FBXW7: variants seen among roughly 807,000 people sequenced by gnomAD.
FBXW7 encodes the protein F-box/WD repeat-containing protein 7.
A neutral mutation model predicts 86.3 loss-of-function variants in FBXW7; 11 were observed. The ratio of observed to expected loss-of-function variants is 0.13; its 90% CI spans 0.08 to 0.21. The LOEUF is 0.21. Ranked by LOEUF, FBXW7 falls within the 10% of genes least tolerant of loss-of-function variation. FBXW7 has a pLI of 1.00. For synonymous variants in FBXW7, 313 were observed against 297.9 expected (o/e 1.05, Z -0.52); for missense variants, 488 against 847.4 (o/e 0.58, Z 5.27).
chr4:152,437,663 T>C (rs564311296), intron 2 of FBXW7, among the ~76,000 whole-genome samples: 2 of 152,286 alleles, frequency 1.3e-5, no homozygotes, highest in Non-Finnish European at 2.9e-5. Context: ...TAAAATGCTA[T>C]CAAACAGCAT....
chr4:152,486,341 T>A (rs1745338151), intron 2 of FBXW7, among the ~76,000 whole-genome samples: 1 of 152,190 alleles, frequency 6.6e-6, no homozygotes, highest in Non-Finnish European at 1.5e-5. Context: ...TCATATAAAC[T>A]TTTTAGTTTT....
chr4:152,520,439 CAAAAA>C (rs58890384), intron 2 of FBXW7, among the ~76,000 whole-genome samples: 2 of 60,518 alleles, frequency 3.3e-5, no homozygotes, highest in African/African-American at 5.9e-5. Flanking sequence ...GACTCCGTCT[CAAAAA>C]AAAAAAAAAA....
intron 6 of FBXW7, among the ~76,000 whole-genome samples, chr4:152,341,041 T>C (rs1730687683): frequency 6.6e-6 from 1 of 152,186 alleles, no homozygotes; most frequent in African/African-American, 2.4e-5. Context: ...CTACACTGGA[T>C]TGAGCTACCA....
intron 4 of FBXW7, among the ~76,000 whole-genome samples, chr4:152,392,482 ATT>A (rs1341750244): frequency 6.6e-6 from 1 of 152,044 alleles, no homozygotes; most frequent in Non-Finnish European, 1.5e-5. Context: ...CGGAAAAAGA[ATT>A]TCTGGGTCAG....
intron 2 of FBXW7, among the ~76,000 whole-genome samples, chr4:152,484,438 T>C (rs1745167837): frequency 6.6e-6 from 1 of 152,098 alleles, no homozygotes; most frequent in Admixed American, 6.6e-5. Context: ...GAAGCTCAGA[T>C]ATGGCAAAGT....
intron 2 of FBXW7, among the ~76,000 whole-genome samples, chr4:152,480,899 A>T (rs939898635): frequency 2.6e-5 from 4 of 152,234 alleles, no homozygotes; most frequent in African/African-American, 7.2e-5. Context: ...TCTCCATAAA[A>T]GTACAAGATG....
At chr4:152,494,001 G>A (rs1746088303) in intron 2 of FBXW7, among the ~76,000 whole-genome samples, 1 of 152,156 alleles carries the variant, frequency 6.6e-6, no homozygotes, top group African/African-American at 2.4e-5. Flanking sequence ...ATAATTTCTA[G>A]CATTTGGCTA....
At chr4:152,345,903 T>G (rs1403027876) in intron 6 of FBXW7, among the ~76,000 whole-genome samples, 1 of 152,192 alleles carries the variant, frequency 6.6e-6, no homozygotes, top group Non-Finnish European at 1.5e-5. Flanking sequence ...TATTGCCTTA[T>G]GCATTGATTA....
chr4:152,481,974 G>A (rs1371130184), intron 2 of FBXW7, among the ~76,000 whole-genome samples: 1 of 152,186 alleles, frequency 6.6e-6, no homozygotes, highest in African/African-American at 2.4e-5. Context: ...GGGTTTGAGA[G>A]AACTGCCCTC....
In FBXW7 at chr4:152,536,047, G is replaced by C. The variant is rs1041479502; in HGVS notation, c.-1133C>G. On this transcript the variant is annotated 5_prime_UTR_variant, in exon 1 of 14. Coordinates refer to ENST00000281708, the MANE Select transcript of FBXW7 (RefSeq NM_001349798.2). ...AGCGGCAGCGCCCGGAGCTCAGCTCGCTGTCTCCCTCGCTCTGTGCGGGGC... is the reference window on the plus strand; with the variant it reads ...AGCGGCAGCGCCCGGAGCTCAGCTCCCTGTCTCCCTCGCTCTGTGCGGGGC... 4 of 207,184 alleles carry C rather than the reference G, an allele frequency of 1.9e-5. No homozygotes were observed. The highest frequency in any genetic ancestry group is 8.0e-5 in the South Asian group (1 of 12,454). The allele number at this position is 207,184 out of a possible 1,614,324, so 12.8% of individuals were successfully genotyped here. A position where few individuals can be genotyped will look rare whatever the true frequency, so the allele number is the denominator to read the frequency against.
intron 2 of FBXW7, among the ~76,000 whole-genome samples, chr4:152,493,457 G>T (rs915630646): frequency 1.8e-4 from 28 of 152,102 alleles, no homozygotes; most frequent in African/African-American, 6.0e-4. Context: ...AAGCCAATGC[G>T]TCCAGCCAAG....
At position 152,326,241 on chromosome 4, in the gene FBXW7, G is replaced by A. The variant is rs532283658; in HGVS notation, c.1419-10C>T. ...AGAACCGCTAACAACTCTGCAGAGGGAGAAACAGAAAAACAAAACAAAACA... is the reference window on the plus strand; with the variant it reads ...AGAACCGCTAACAACTCTGCAGAGGAAGAAACAGAAAAACAAAACAAAACA... On this transcript the variant is annotated splice_polypyrimidine_tract_variant and intron_variant, in intron 11 of 13. Transcript: ENST00000281708. 6.3e-7 allele frequency: 1 copy of A among 1,598,346 alleles called. No homozygotes were observed. Among genetic ancestry groups the A allele is most frequent in the East Asian group, 2.2e-5 (1 of 44,624 alleles).
intron 7 of FBXW7, among the ~76,000 whole-genome samples, chr4:152,334,630 C>T (rs1419023639): frequency 3.3e-5 from 5 of 152,138 alleles, no homozygotes; most frequent in African/African-American, 1.2e-4. Flanking sequence ...AAATCCAGAG[C>T]AGCTTAGATT....
chr4:152,490,120 T>C (rs1745695857), intron 2 of FBXW7, among the ~76,000 whole-genome samples: 1 of 152,100 alleles, frequency 6.6e-6, no homozygotes, highest in African/African-American at 2.4e-5. Flanking sequence ...GTACCTAGAA[T>C]AGTCATAATC....
intron 4 of FBXW7, among the ~76,000 whole-genome samples, chr4:152,357,745 T>C (rs1459998054): frequency 1.3e-5 from 2 of 152,138 alleles, no homozygotes; most frequent in African/African-American, 4.8e-5. Context: ...TTTCATTCCT[T>C]CAGATTGGGC....
chr4:152,336,131 AT>A (rs900467753), intron 7 of FBXW7, among the ~76,000 whole-genome samples: 4 of 151,606 alleles, frequency 2.6e-5, no homozygotes, highest in Admixed American at 6.6e-5. Flanking sequence ...CAAAATAGGA[AT>A]TTTTTTTTCT....
At chr4:152,406,321 C>A (rs754332496) in intron 4 of FBXW7, among the ~76,000 whole-genome samples, 13 of 151,842 alleles carry the variant, frequency 8.6e-5, no homozygotes, top group African/African-American at 1.7e-4. Context: ...TTGAGCTGGG[C>A]ACGGTGGTCC....
chr4:152,333,124 T>G (rs1245192901), intron 7 of FBXW7, among the ~76,000 whole-genome samples: 1 of 152,166 alleles, frequency 6.6e-6, no homozygotes, highest in Non-Finnish European at 1.5e-5. Context: ...GAAATGAGAT[T>G]TGTATATATT....
intron 2 of FBXW7, among the ~76,000 whole-genome samples, chr4:152,509,471 G>A: frequency 6.6e-6 from 1 of 152,106 alleles, no homozygotes; most frequent in Admixed American, 6.6e-5. Flanking sequence ...CTGTGAAGAA[G>A]CTAGTCTCGT....
Sources: gnomAD v4.1 joint callset for allele counts (sites outside exome capture counted in the v4.1 genomes callset) on GRCh38, gnomAD v4.1.1 for gene constraint, MANE v1.5 for transcripts, NCBI Gene and HGNC (gene_info 2026-07-23, HGNC 2026-07-21) for gene names.